The following NTRK3 variants were observed in gnomAD, a reference collection of about 807,000 sequenced individuals.
The protein encoded by NTRK3 is NT-3 growth factor receptor.
Under a neutral mutation model 91.7 loss-of-function variants are expected in NTRK3, and 24 were observed. The observed-to-expected ratio is 0.26, with a 90% CI of 0.19 to 0.37. The LOEUF is 0.37. NTRK3 is among the 10% of genes least tolerant of loss of function. The pLI is 1.00. For synonymous variants in NTRK3, 483 were observed against 404.0 expected, an observed-to-expected ratio of 1.20 and a Z score of -2.34; for missense variants, 880 against 1,068.9, an observed-to-expected ratio of 0.82 and a Z score of 2.46.
chr15:88,165,477 A>G (rs1278934206), intron 5 of NTRK3, among the ~76,000 whole-genome samples: 1 of 152,190 alleles, frequency 6.6e-6, no homozygotes. Context: ...TTAACTTGCT[A>G]ATCATTTTTC....
intron 14 of NTRK3, among the ~76,000 whole-genome samples, chr15:87,948,122 C>T (rs981852894): frequency 4.6e-5 from 7 of 152,210 alleles, no homozygotes; most frequent in African/African-American, 1.7e-4. Flanking sequence ...AAGAGCATAG[C>T]CAGACAAACA....
At chr15:87,964,020 CAAT>C (rs934582979) in intron 14 of NTRK3, among the ~76,000 whole-genome samples, 4 of 152,086 alleles carry the variant, frequency 2.6e-5, no homozygotes, top group African/African-American at 2.4e-5. Flanking sequence ...TCTAAAACAA[CAAT>C]GAGGGAGTTC....
rs993717671 is a variant in NTRK3, at chr15:88,241,891, G to C, written c.248+14015C>G. ...TTCCAGGTGCAGGGAGAGGCCAGGA[G>C]AGTTGCTGCTCGGCTGCACACATCC... On this transcript the variant is annotated intron_variant, in intron 3 of 18. Coordinates refer to ENST00000394480, the Ensembl canonical transcript of NTRK3. The surrounding 1 kb of genome is among the most constrained non-coding windows in gnomAD (Gnocchi z 4.3). Among the ~76,000 whole-genome samples, 1 of 152,158 alleles carries C rather than the reference G, an allele frequency of 6.6e-6. No homozygotes were observed. The highest frequency in any genetic ancestry group is 1.5e-5 in the Non-Finnish European group (1 of 68,026).
chr15:88,120,546 T>C (rs926252623), intron 13 of NTRK3, among the ~76,000 whole-genome samples: 3 of 152,172 alleles, frequency 2.0e-5, no homozygotes, highest in African/African-American at 4.8e-5. Context: ...GCCTTCCCAC[T>C]TCCGCTGTCC....
At chr15:88,238,864 A>G (rs1308225391) in intron 3 of NTRK3, among the ~76,000 whole-genome samples, 1 of 152,212 alleles carries the variant, frequency 6.6e-6, no homozygotes, top group African/African-American at 2.4e-5. Context: ...AAACATGGGA[A>G]CATGGGCTCT....
chr15:88,002,593 A>G (rs932956009), intron 14 of NTRK3, among the ~76,000 whole-genome samples: 4 of 152,090 alleles, frequency 2.6e-5, no homozygotes, highest in Admixed American at 2.0e-4. Flanking sequence ...ACAAAGCAAC[A>G]AACAAAGGTA....
intron 13 of NTRK3, among the ~76,000 whole-genome samples, chr15:88,053,555 T>C (rs2045420812): frequency 6.6e-6 from 1 of 152,050 alleles, no homozygotes; most frequent in Non-Finnish European, 1.5e-5. Flanking sequence ...GGTACGTTGG[T>C]CAGGGGTATG....
chr15:88,216,683 G>A (rs2049802042), intron 3 of NTRK3, among the ~76,000 whole-genome samples: 1 of 152,168 alleles, frequency 6.6e-6, no homozygotes, highest in South Asian at 2.1e-4. Context: ...CCCTGTGGTG[G>A]GTCAAGATGG....
intron 13 of NTRK3, among the ~76,000 whole-genome samples, chr15:88,121,887 C>A (rs1182025114): frequency 6.6e-6 from 1 of 152,174 alleles, no homozygotes; most frequent in East Asian, 1.9e-4. Flanking sequence ...CTTTGTGATT[C>A]CAAAAGAAGA....
intron 5 of NTRK3, among the ~76,000 whole-genome samples, chr15:88,148,739 A>C (rs16941329): frequency 0.011 from 1,706 of 152,306 alleles, 24 homozygotes; most frequent in African/African-American, 0.039. Flanking sequence ...TAGTCTAATT[A>C]CCATTTTAAA....
At chr15:88,204,240 C>A (rs1452534971) in intron 3 of NTRK3, among the ~76,000 whole-genome samples, 2 of 152,214 alleles carry the variant, frequency 1.3e-5, no homozygotes, top group African/African-American at 4.8e-5. Flanking sequence ...TTAATCCCAA[C>A]AATCTAATGC....
At chr15:88,175,977 C>A (rs549428524) in intron 5 of NTRK3, among the ~76,000 whole-genome samples, 1 of 152,084 alleles carries the variant, frequency 6.6e-6, no homozygotes, top group African/African-American at 2.4e-5. Flanking sequence ...GCAAGAAGAA[C>A]TGAATGAGAA....
At chr15:87,883,705 A>G (rs752984410) in intron 17 of NTRK3, among the ~76,000 whole-genome samples, 1 of 151,248 alleles carries the variant, frequency 6.6e-6, no homozygotes, top group Non-Finnish European at 1.5e-5. Context: ...TAAAAAATAA[A>G]TATGAAGTAA....
At chr15:88,088,577 T>C (rs1174871152) in intron 13 of NTRK3, among the ~76,000 whole-genome samples, 1 of 152,214 alleles carries the variant, frequency 6.6e-6, no homozygotes, top group Non-Finnish European at 1.5e-5. Flanking sequence ...TATAATACTA[T>C]GCATATACCA....
At chr15:87,987,047 C>T (rs2074872547) in intron 14 of NTRK3, among the ~76,000 whole-genome samples, 1 of 152,366 alleles carries the variant, frequency 6.6e-6, no homozygotes, top group Non-Finnish European at 1.5e-5. Flanking sequence ...AGTGGACAAG[C>T]AGCATCAGCA....
intron 14 of NTRK3, among the ~76,000 whole-genome samples, chr15:88,022,765 T>C (rs1002839235): frequency 1.3e-5 from 2 of 152,074 alleles, no homozygotes; most frequent in Non-Finnish European, 2.9e-5. Flanking sequence ...ATGAAGTGAA[T>C]GCTTATCCCT....
At chr15:88,126,642 C>G (rs961253169) in intron 12 of NTRK3, among the ~76,000 whole-genome samples, 2 of 152,152 alleles carry the variant, frequency 1.3e-5, no homozygotes, top group African/African-American at 4.8e-5. Flanking sequence ...CTAACAGATG[C>G]AAAAACAAGC....
intron 14 of NTRK3, among the ~76,000 whole-genome samples, chr15:87,998,617 C>T (rs1395868400): frequency 6.6e-6 from 1 of 152,196 alleles, no homozygotes; most frequent in Non-Finnish European, 1.5e-5. Flanking sequence ...AGCCAACCAC[C>T]CCTTATTATA....
intron 14 of NTRK3, among the ~76,000 whole-genome samples, chr15:87,995,249 ACC>A (rs1317201243): frequency 1.3e-5 from 2 of 152,066 alleles, no homozygotes; most frequent in Non-Finnish European, 2.9e-5. Flanking sequence ...CACAGATCTC[ACC>A]CCTAGTAGAA....
Sources: allele counts gnomAD v4.1 joint callset (sites outside exome capture counted in the v4.1 genomes callset), GRCh38; gene constraint gnomAD v4.1.1; non-coding constraint Gnocchi (gnomAD v3.1); transcripts MANE v1.5; gene names NCBI Gene and HGNC (gene_info 2026-07-23, HGNC 2026-07-21).